The following LOXL3 variants were observed in gnomAD, a reference collection of about 807,000 sequenced individuals.
LOXL3 encodes the protein lysyl oxidase homolog 3.
Under a neutral mutation model 91.8 loss-of-function variants are expected in LOXL3, and 60 were observed. The observed-to-expected ratio is 0.65, with a 90% confidence interval of 0.53 to 0.81. LOXL3 has a LOEUF of 0.81. LOXL3 is among the 30% of genes least tolerant of loss of function. LOXL3 has a pLI of 0.00. For synonymous variants in LOXL3, 355 were observed against 387.6 expected (o/e 0.92, Z 0.99); for missense variants, 874 against 1,000.4 (o/e 0.87, Z 1.70).
Position 74,533,084 on chromosome 2 carries a change from G to C in LOXL3, c.*522C>G, listed in dbSNP as rs902838783. ...GAGACAGAGGGTTAAATGAACCAGT[G>C]GGGGCAGGTCCCTCCAACCACCAGC... is the stretch of plus-strand genomic sequence containing the variant. On this transcript the variant is annotated 3_prime_UTR_variant, in exon 14 of 14. Transcript: ENST00000264094. The C allele has an allele frequency of 8.6e-6, 10 of 1,166,898 alleles. No homozygotes were observed. The highest frequency in any genetic ancestry group is 2.4e-5 in the East Asian group (1 of 42,544). The allele number at this position is 1,166,898 out of a possible 1,614,324, so 72.3% of individuals were successfully genotyped here. A position where few individuals can be genotyped will look rare whatever the true frequency, so the allele number is the denominator to read the frequency against.
At chr2:74,546,947 C>T (rs573712551) in intron 4 of LOXL3, among the ~76,000 whole-genome samples, 2 of 152,232 alleles carry the variant, frequency 1.3e-5, no homozygotes, top group East Asian at 3.9e-4. Context: ...AACTCCTGAC[C>T]TCAGGTGATC....
At position 74,534,672 on chromosome 2, in the gene LOXL3, A is replaced by G. The variant is rs1285493910; in HGVS notation, c.1682T>C (p.Leu561Pro). The G allele has an allele frequency of 6.2e-7, 1 of 1,614,086 alleles. No individual in the cohort carries two copies. The highest frequency in any genetic ancestry group is 8.5e-7 in the Non-Finnish European group (1 of 1,180,048). The part of the protein sequence containing the change: ...MLYCAAEENC[L>P]ASSARSANWP... ...GTTGGCTGAGCGGGCTGAGCTGGCC[A>G]GGCAGTTCTCTTCCGCAGCACAGTA... Residue 561 changes from leucine to proline, a missense_variant, in exon 10 of 14, where the codon CTG becomes CCG. Leu to Pro is a moderately conservative substitution (Grantham distance 98). Coordinates refer to ENST00000264094, the MANE Select transcript of LOXL3 (RefSeq NM_032603.5).
chr2:74,541,021 T>C (rs964654502), intron 4 of LOXL3, among the ~76,000 whole-genome samples: 1 of 152,248 alleles, frequency 6.6e-6, no homozygotes, highest in African/African-American at 2.4e-5. Flanking sequence ...AGGAGTCATA[T>C]TTCAACATAG....
At chr2:74,553,115 G>C (rs1677129795) in intron 1 of LOXL3, 1 of 156,938 alleles carries the variant, frequency 6.4e-6, no homozygotes, top group South Asian at 2.0e-4. Context: ...GGGTGAGAAG[G>C]AGAGGGATTG....
intron 4 of LOXL3, among the ~76,000 whole-genome samples, chr2:74,544,344 T>C (rs1676490517): frequency 6.6e-6 from 1 of 152,116 alleles, no homozygotes; most frequent in Non-Finnish European, 1.5e-5. Flanking sequence ...AATCCAAACA[T>C]CAAAGGCTTC....
chr2:74,549,919 T>C lies in LOXL3; in HGVS notation c.477+266A>G. On this transcript the variant is annotated intron_variant, in intron 3 of 13. Transcript: ENST00000264094. This position sits in a 1 kb window ranked among gnomAD's most constrained non-coding sequence, Gnocchi z 5.3. The stretch of plus-strand genomic sequence containing the variant: ...GATGTCTCAGGAAAGCAGGAACATT[T>C]GAGGAGAAGGAGAGCACCAGGTGCC... The C allele has an allele frequency of 3.0e-6, 3 of 985,406 alleles. No individual in the cohort carries two copies. Among genetic ancestry groups the C allele is most frequent in the Non-Finnish European group, 3.6e-6 (3 of 829,926 alleles). 61.0% of individuals were successfully genotyped at this position (985,406 alleles called of 1,614,324 possible). A position where few individuals can be genotyped will look rare whatever the true frequency, so the allele number is the denominator to read the frequency against.
chr2:74,548,426 G>A (rs763244505), intron 4 of LOXL3, among the ~76,000 whole-genome samples: 33 of 152,226 alleles, frequency 2.2e-4, no homozygotes, highest in Non-Finnish European at 4.6e-4. Flanking sequence ...TAGGAAGACA[G>A]TGTAATCCGA....
rs1020518104 is a variant in LOXL3 at position 74,536,775 on chromosome 2, C to T, written c.846G>A (p.Val282=). The T allele has an allele frequency of 1.2e-6, 2 of 1,614,208 alleles. No homozygotes were observed. Among genetic ancestry groups the T allele is most frequent in the Non-Finnish European group, 8.5e-7 (1 of 1,180,028 alleles). Residue 282 remains valine (V), a synonymous_variant, in exon 5 of 14, where the codon GTG becomes GTA. Transcript: ENST00000264094. The surrounding 1 kb of genome is among the most constrained non-coding windows in gnomAD (Gnocchi z 4.5). ...PGGGPAVVSC[V]PGPVYAASSG... is the part of the protein sequence containing the mutation. ...TGGATGCCGCGTAGACAGGGCCTGGCACACAGCTCACCACTGCAGGGCCCC... is the reference window on the plus strand; with the variant it reads ...TGGATGCCGCGTAGACAGGGCCTGGTACACAGCTCACCACTGCAGGGCCCC...
chr2:74,534,082 G>T lies in LOXL3; in HGVS notation c.2076+18C>A. ...GCTCCCCCCACTCACCCATCTGGAA[G>T]CCCCAGACTCCAGGTACCTGGAGAA... On this transcript the variant is annotated intron_variant, in intron 12 of 13. Coordinates refer to ENST00000264094, the MANE Select transcript of LOXL3 (RefSeq NM_032603.5). The T allele has an allele frequency of 6.2e-7, 1 of 1,613,450 alleles. No homozygotes were observed. The highest frequency in any genetic ancestry group is 8.5e-7 in the Non-Finnish European group (1 of 1,179,446).
At chr2:74,545,699 C>A (rs942913651) in intron 4 of LOXL3, among the ~76,000 whole-genome samples, 1 of 152,186 alleles carries the variant, frequency 6.6e-6, no homozygotes, top group African/African-American at 2.4e-5. Context: ...CCACCACACT[C>A]CCCTGGTTTT....
Position 74,549,181 on chromosome 2 carries a change from T to C in LOXL3, c.692+188A>G. 2 of 612,916 alleles carry C rather than the reference T, an allele frequency of 3.3e-6. No homozygotes were observed. The highest frequency in any genetic ancestry group is 9.0e-4 in the Middle Eastern group (2 of 2,222). 38.0% of individuals were successfully genotyped at this position (612,916 alleles called of 1,614,324 possible). On this transcript the variant is annotated intron_variant, in intron 4 of 13. Transcript: ENST00000264094. This position sits in a 1 kb window ranked among gnomAD's most constrained non-coding sequence, Gnocchi z 5.3. ...GCTGGTCCCCATTTCAGGTACTCCC[T>C]TGGGGCACCTTTCGTGGTCCCACAA...
intron 4 of LOXL3, among the ~76,000 whole-genome samples, chr2:74,544,696 A>G (rs1336761552): frequency 6.6e-6 from 1 of 152,242 alleles, no homozygotes; most frequent in East Asian, 1.9e-4. Context: ...TGATTAATAC[A>G]TCAGGTTTTG....
rs1442343938 is a variant in LOXL3 at position 74,533,899 on chromosome 2, A to T, written c.2171T>A (p.Val724Glu). 6.2e-7 allele frequency: 1 copy of T among 1,613,804 alleles called. No homozygotes were observed. The highest frequency in any genetic ancestry group is 1.3e-5 in the African/African-American group (1 of 75,030). The part of the protein sequence containing the change: ...NCKYDGHRIW[V>E]HNCHIGDAFS... ...TCAAATACCAATGTGGCAGTTGTGC[A>T]CCCAGATTCTATGTCCATCATATTT... The change falls in exon 13 of 14, where the codon GTG becomes GAG. Residue 724 changes from valine (V) to glutamate (E), a missense_variant. Coordinates refer to ENST00000264094, the MANE Select transcript of LOXL3 (RefSeq NM_032603.5).
intron 2 of LOXL3, among the ~76,000 whole-genome samples, chr2:74,550,729 A>C (rs1276619917): frequency 6.6e-6 from 1 of 152,150 alleles, no homozygotes; most frequent in East Asian, 1.9e-4. Context: ...CTGCCAGAAC[A>C]CTGTTTTATA....
At chr2:74,555,654 G>C (rs759604626), upstream of LOXL3, 1 of 1,614,052 alleles carries the variant, frequency 6.2e-7, no homozygotes. This position sits in a 1 kb window ranked among gnomAD's most constrained non-coding sequence, Gnocchi z 6.1. Context: ...TCCTTGTACA[G>C]CCCTACCTGG....
Position 74,536,988 on chromosome 2 carries a change from C to T in LOXL3, c.693-60G>A. 7.2e-7 allele frequency: 1 copy of T among 1,388,604 alleles called. No homozygotes were observed. The highest frequency in any genetic ancestry group is 2.4e-5 in the East Asian group (1 of 42,454). 86.0% of individuals were successfully genotyped at this position (1,388,604 alleles called of 1,614,324 possible). A position where few individuals can be genotyped will look rare whatever the true frequency, so the allele number is the denominator to read the frequency against. On this transcript the variant is annotated intron_variant, in intron 4 of 13. Transcript: ENST00000264094. The surrounding 1 kb of genome is among the most constrained non-coding windows in gnomAD (Gnocchi z 4.5). ...ACAATGCTCCTGCCTCTTGGCCCCACAAACATCCTCCCACTTCATGCCTCC... is the reference window on the plus strand; with the variant it reads ...ACAATGCTCCTGCCTCTTGGCCCCATAAACATCCTCCCACTTCATGCCTCC...
rs114661282 is a variant in LOXL3, at chr2:74,533,516, A to G, written c.*90T>C. 2.9e-3 allele frequency: 3,440 copies of G among 1,183,926 alleles called. 77 individuals carry two copies. The African/African-American group carries it at 0.047, about 16-fold the overall frequency. The allele number at this position is 1,183,926 out of a possible 1,614,324, so 73.3% of individuals were successfully genotyped here. A position where few individuals can be genotyped will look rare whatever the true frequency, so the allele number is the denominator to read the frequency against. On this transcript the variant is annotated 3_prime_UTR_variant, in exon 14 of 14. Coordinates refer to ENST00000264094, the MANE Select transcript of LOXL3 (RefSeq NM_032603.5). ...CATGGTCTGATGAGTGCGGTTGCTG[A>G]CATGGGTTTCTTGGTAAGCTCCTGA... is the stretch of plus-strand genomic sequence containing the variant.
At chr2:74,555,047 G>A, upstream of LOXL3, 1 of 1,449,022 alleles carries the variant, frequency 6.9e-7, no homozygotes, top group East Asian at 2.5e-5. The surrounding 1 kb of genome is among the most constrained non-coding windows in gnomAD (Gnocchi z 6.1). Flanking sequence ...AACCCCGTTT[G>A]GAAGCCCCAG....
In LOXL3 at chr2:74,552,903, G is replaced by C. The variant is rs1374555205; in HGVS notation, c.-12-257C>G. The C allele has an allele frequency of 6.8e-6, 3 of 438,722 alleles. No individual in the cohort carries two copies. The Admixed American group carries it at 1.2e-4, about 17-fold the overall frequency. 27.2% of individuals were successfully genotyped at this position (438,722 alleles called of 1,614,324 possible). A position where few individuals can be genotyped will look rare whatever the true frequency, so the allele number is the denominator to read the frequency against. On this transcript the variant is annotated intron_variant, in intron 1 of 13. Transcript: ENST00000264094. ...GACAACTATGAGAGATCGAGAGTCA[G>C]AGAAGGGTCAATAAAAAGAGATAGA...
Sources: allele counts gnomAD v4.1 joint callset (sites outside exome capture counted in the v4.1 genomes callset), GRCh38; gene constraint gnomAD v4.1.1; non-coding constraint Gnocchi (gnomAD v3.1); transcripts MANE v1.5; gene names NCBI Gene and HGNC (gene_info 2026-07-23, HGNC 2026-07-21).